ARHGEF12: variants seen among roughly 807,000 people sequenced by gnomAD.
ARHGEF12 encodes the protein Rho guanine nucleotide exchange factor 12.
Under a neutral mutation model 211.2 loss-of-function variants are expected in ARHGEF12, and 66 were observed. The observed-to-expected ratio is 0.31, with a 90% CI of 0.26 to 0.38. ARHGEF12 has a LOEUF of 0.38. Ranked by LOEUF, ARHGEF12 falls within the 10% of genes least tolerant of loss-of-function variation. The pLI is 1.00. For synonymous variants in ARHGEF12, 592 were observed against 638.4 expected (o/e 0.93, Z 1.09); for missense variants, 1,429 against 1,869.5 (o/e 0.76, Z 4.34).
intron 1 of ARHGEF12, among the ~76,000 whole-genome samples, chr11:120,339,789 A>G (rs1942475049): frequency 6.6e-6 from 1 of 152,154 alleles, no homozygotes; most frequent in Admixed American, 6.5e-5. Flanking sequence ...TGGGGCTGGG[A>G]TGGAATTCAG....
chr11:120,478,893 A>AT (rs1177783266), intron 37 of ARHGEF12, among the ~76,000 whole-genome samples: 60 of 152,240 alleles, frequency 3.9e-4, no homozygotes, highest in African/African-American at 1.4e-3. Context: ...GCTTAAAATA[A>AT]TTGACTTCTT....
chr11:120,357,592 C>T (rs1943164504), intron 1 of ARHGEF12, among the ~76,000 whole-genome samples: 1 of 151,998 alleles, frequency 6.6e-6, no homozygotes, highest in Non-Finnish European at 1.5e-5. Flanking sequence ...TTTTTTGAGA[C>T]AGAGTCTCAC....
rs543735634 is a variant in ARHGEF12, at chr11:120,394,362, C to T, written c.33-11756C>T. On this transcript the variant is annotated intron_variant, in intron 1 of 40. Transcript: ENST00000397843. ...AGTAGCTGGGACTACAGGTGTGCCCCACTAATTTTTTTTAGTAGAGATGGG... is the reference window on the plus strand; with the variant it reads ...AGTAGCTGGGACTACAGGTGTGCCCTACTAATTTTTTTTAGTAGAGATGGG... 3.3e-5 allele frequency among the ~76,000 whole-genome samples: 5 copies of T among 151,616 alleles called. No homozygotes were observed. In the South Asian group the frequency reaches 1.0e-3, roughly 32 times the overall value.
intron 11 of ARHGEF12, among the ~76,000 whole-genome samples, chr11:120,435,512 C>CTTTTTTTTT (rs61516865): frequency 9.4e-6 from 1 of 106,274 alleles, no homozygotes; most frequent in Non-Finnish European, 1.9e-5. Flanking sequence ...CCCTGTCAAG[C>CTTTTTTTTT]TTTTTTTTTT....
chr11:120,473,160 A>G (rs1226223663), intron 31 of ARHGEF12, 33 bp downstream of exon 31: 1 of 1,596,866 alleles, frequency 6.3e-7, no homozygotes, highest in Non-Finnish European at 8.6e-7. Context: ...TTTAAAAAAT[A>G]AAATAAAATT....
intron 1 of ARHGEF12, among the ~76,000 whole-genome samples, chr11:120,387,203 C>T (rs986495860): frequency 1.3e-5 from 2 of 151,638 alleles, no homozygotes; most frequent in African/African-American, 4.8e-5. Flanking sequence ...GTTTCCATTA[C>T]TCATCCTTCA....
At chr11:120,468,124 A>C (rs7950904) in intron 29 of ARHGEF12, among the ~76,000 whole-genome samples, 36 of 152,006 alleles carry the variant, frequency 2.4e-4, no homozygotes, top group African/African-American at 8.4e-4. Flanking sequence ...TGTAATTCCA[A>C]CTCTCCCGTT....
intron 1 of ARHGEF12, among the ~76,000 whole-genome samples, chr11:120,355,095 A>G (rs547707592): frequency 1.3e-5 from 2 of 152,330 alleles, no homozygotes; most frequent in African/African-American, 4.8e-5. Flanking sequence ...AATCTGGAGG[A>G]TGTTCTGTCA....
chr11:120,445,662 G>A (rs1185305792), intron 16 of ARHGEF12, among the ~76,000 whole-genome samples, 198 bp downstream of exon 16: 1 of 152,196 alleles, frequency 6.6e-6, no homozygotes, highest in Non-Finnish European at 1.5e-5. Flanking sequence ...ACTTTGGAAG[G>A]CCAAGGTGGG....
chr11:120,363,106 TAAAAAA>T (rs1297928171), intron 1 of ARHGEF12, among the ~76,000 whole-genome samples: 1 of 151,480 alleles, frequency 6.6e-6, no homozygotes, highest in Admixed American at 6.6e-5. Context: ...TCTCAAAAAA[TAAAAAA>T]AGAAAAAAGG....
chr11:120,416,768 A>G (rs2135639291), intron 4 of ARHGEF12, among the ~76,000 whole-genome samples: 1 of 152,148 alleles, frequency 6.6e-6, no homozygotes, highest in Non-Finnish European at 1.5e-5. Flanking sequence ...CTCCTGCCTC[A>G]GCCTCCTGAG....
intron 4 of ARHGEF12, among the ~76,000 whole-genome samples, chr11:120,414,682 T>C (rs1298944233): frequency 6.6e-6 from 1 of 152,250 alleles, no homozygotes; most frequent in East Asian, 1.9e-4. Context: ...AATACTCATA[T>C]GGCACCAAGA....
rs527262617 is a variant in ARHGEF12 at position 120,365,184 on chromosome 11, G to GTA, written c.32+27921_32+27922dup. On this transcript the variant is annotated intron_variant, in intron 1 of 40. Transcript: ENST00000397843. ...TTGTTTTCTAGGCTTTTAACTATGT[G>GTA]TATATATATATATTGCCTTTGTCAT... 9.2e-3 allele frequency among the ~76,000 whole-genome samples: 1,397 copies of GTA among 151,634 alleles called. 13 individuals are homozygous for GTA. Among genetic ancestry groups the GTA allele is most frequent in the South Asian group, 0.015 (72 of 4,800 alleles).
At chr11:120,421,894 A>C in intron 6 of ARHGEF12, 42 bp downstream of exon 6, 1 of 1,481,240 alleles carries the variant, frequency 6.8e-7, no homozygotes, top group East Asian at 2.3e-5. Context: ...AGGATTAAAA[A>C]ACAACATATA....
At chr11:120,351,274 G>T (rs1288254577) in intron 1 of ARHGEF12, among the ~76,000 whole-genome samples, 1 of 143,408 alleles carries the variant, frequency 7.0e-6, no homozygotes, top group Non-Finnish European at 1.5e-5. Flanking sequence ...ATGAACCCGG[G>T]AGGCGGAGCT....
chr11:120,362,080 A>G (rs1033964767), intron 1 of ARHGEF12, among the ~76,000 whole-genome samples: 12 of 152,220 alleles, frequency 7.9e-5, no homozygotes, highest in African/African-American at 2.7e-4. Context: ...CCAAAGTACC[A>G]AGAAAGAATA....
At chr11:120,478,504 ATT>A in intron 37 of ARHGEF12, 115 bp downstream of exon 37, 1 of 1,015,468 alleles carries the variant, frequency 9.8e-7, no homozygotes, top group Non-Finnish European at 1.4e-6. Flanking sequence ...TATTGTGGAG[ATT>A]ATAGTATTCT....
chr11:120,482,647 A>T (rs1947281686), intron 39 of ARHGEF12, among the ~76,000 whole-genome samples: 1 of 151,892 alleles, frequency 6.6e-6, no homozygotes, highest in Non-Finnish European at 1.5e-5. Context: ...CAGGAGGCTG[A>T]GGCAGGAGAA....
chr11:120,423,345 T>G (rs1945252568), intron 6 of ARHGEF12, among the ~76,000 whole-genome samples: 1 of 152,128 alleles, frequency 6.6e-6, no homozygotes, highest in Non-Finnish European at 1.5e-5. Context: ...TCTGTGAATA[T>G]GTATCAAAAG....
Sources: allele counts gnomAD v4.1 joint callset (sites outside exome capture counted in the v4.1 genomes callset), GRCh38; gene constraint gnomAD v4.1.1; transcripts MANE v1.5; gene names NCBI Gene and HGNC (gene_info 2026-07-23, HGNC 2026-07-21).